GRIK2: variants seen among roughly 807,000 people sequenced by gnomAD.
GRIK2 encodes glutamate ionotropic receptor kainate type subunit 2, also known as glutamate receptor ionotropic, kainate 2.
GRIK2 carries 32 observed loss-of-function variants against 100.3 expected under a neutral mutation model. The observed-to-expected ratio is 0.32, with a 90% confidence interval of 0.24 to 0.43. The LOEUF is 0.43. Ranked by LOEUF, GRIK2 falls within the 20% of genes least tolerant of loss-of-function variation. The pLI, the probability that GRIK2 is intolerant of heterozygous loss-of-function variation, is 1.00. For missense variants in GRIK2, 843 were observed against 1,114.9 expected, an observed-to-expected ratio of 0.76 and a Z score of 3.47; for synonymous variants, 417 against 389.4, an observed-to-expected ratio of 1.07 and a Z score of -0.83.
intron 2 of GRIK2, among the ~76,000 whole-genome samples, chr6:101,402,053 C>G (rs565710579): frequency 1.3e-5 from 2 of 152,298 alleles, no homozygotes; most frequent in Non-Finnish European, 1.5e-5. Context: ...TTATCCTTCC[C>G]CTTGCTCCCG....
chr6:101,614,699 A>G lies in GRIK2; in HGVS notation c.116-7250A>G, dbSNP rs1316111530. On this transcript the variant is annotated intron_variant, in intron 2 of 16. Coordinates refer to ENST00000369134, the MANE Select transcript of GRIK2 (RefSeq NM_021956.5). ...TGTTTAGACAGGAAATAAGATTGGT[A>G]TAACATTTGATGGAGAAAATCAACA... Among the ~76,000 whole-genome samples the G allele has an allele frequency of 4.0e-5, 6 of 151,894 alleles. No homozygotes were observed. The East Asian group carries it at 1.2e-3, about 29-fold the overall frequency.
At chr6:102,066,911 A>T (rs569651107) in intron 16 of GRIK2, among the ~76,000 whole-genome samples, 1 of 151,706 alleles carries the variant, frequency 6.6e-6, no homozygotes, top group Non-Finnish European at 1.5e-5. Flanking sequence ...AAGGAAAATT[A>T]GGATATAGCC....
At chr6:101,853,496 A>C (rs983703912) in intron 10 of GRIK2, among the ~76,000 whole-genome samples, 3 of 152,218 alleles carry the variant, frequency 2.0e-5, no homozygotes, top group African/African-American at 7.2e-5. Flanking sequence ...TGGGAATAGA[A>C]AACAGGGCTG....
intron 2 of GRIK2, among the ~76,000 whole-genome samples, chr6:101,495,301 C>A (rs376439388): frequency 6.6e-6 from 1 of 151,720 alleles, no homozygotes; most frequent in Non-Finnish European, 1.5e-5. Context: ...GTTAGGAGAT[C>A]GAGACCATCC....
Position 101,961,046 on chromosome 6 carries a change from G to A in GRIK2, c.2085+32414G>A, listed in dbSNP as rs146037308. 1.1e-4 allele frequency among the ~76,000 whole-genome samples: 17 copies of A among 152,280 alleles called. No homozygotes were observed. The East Asian group carries it at 3.3e-3, about 29-fold the overall frequency. ...TGTATCCACCTTGACTGGAGTGACAGGGAGAGGTTATAGTGAAAGCCTCCC... is the reference window on the plus strand; with the variant it reads ...TGTATCCACCTTGACTGGAGTGACAAGGAGAGGTTATAGTGAAAGCCTCCC... On this transcript the variant is annotated intron_variant, in intron 14 of 16. Coordinates refer to ENST00000369134, the MANE Select transcript of GRIK2 (RefSeq NM_021956.5).
At chr6:101,985,954 G>A (rs547507608) in intron 14 of GRIK2, among the ~76,000 whole-genome samples, 1 of 151,664 alleles carries the variant, frequency 6.6e-6, no homozygotes, top group Non-Finnish European at 1.5e-5. Context: ...GTAATATATT[G>A]TAAAACTCAT....
rs185500086 is a variant in GRIK2 at position 101,964,559 on chromosome 6, G to A, written c.2085+35927G>A. Among the ~76,000 whole-genome samples the A allele has an allele frequency of 1.5e-3, 222 of 152,244 alleles. 1 individual carries two copies. The highest frequency in any genetic ancestry group is 3.4e-3 in the Middle Eastern group (1 of 290). ...TGTCTAGTTCTCAAACCCGTGACCA[G>A]GGGGTCTCGCACACAGGAAAGGTGT... On this transcript the variant is annotated intron_variant, in intron 14 of 16. Transcript: ENST00000369134.
At position 102,052,099 on chromosome 6, in the gene GRIK2, T is replaced by C. The variant is rs369810829; in HGVS notation, c.2312-3231T>C. Among the ~76,000 whole-genome samples the C allele has an allele frequency of 1.1e-3, 164 of 152,328 alleles. 6 individuals are homozygous for C. In the South Asian group the frequency reaches 0.033, roughly 31 times the overall value. On this transcript the variant is annotated intron_variant, in intron 15 of 16. Coordinates refer to ENST00000369134, the MANE Select transcript of GRIK2 (RefSeq NM_021956.5). ...AGATTCTTTCGTTCTTTGGTCTCAA[T>C]GTGTCCTTGAGATTTTTCATCTAGC...
At chr6:101,659,700 T>G (rs942443717) in intron 4 of GRIK2, among the ~76,000 whole-genome samples, 1 of 152,210 alleles carries the variant, frequency 6.6e-6, no homozygotes, top group African/African-American at 2.4e-5. Context: ...TGCTTGTCTG[T>G]AAAGGATTTT....
At position 101,517,706 on chromosome 6, in the gene GRIK2, T is replaced by C. The variant is rs112520644; in HGVS notation, c.116-104243T>C. ...TTTGACTTTTAGGCCTCTGCTTTGATTACTGAAAATGTGTTGCCTTCTAAG... is the reference window on the plus strand; with the variant it reads ...TTTGACTTTTAGGCCTCTGCTTTGACTACTGAAAATGTGTTGCCTTCTAAG... On this transcript the variant is annotated intron_variant, in intron 2 of 16. Coordinates refer to ENST00000369134, the MANE Select transcript of GRIK2 (RefSeq NM_021956.5). Among the ~76,000 whole-genome samples, 1,143 of 152,266 alleles carry C rather than the reference T, an allele frequency of 7.5e-3. 13 individuals carry two copies. The highest frequency in any genetic ancestry group is 0.026 in the African/African-American group (1,086 of 41,558).
chr6:102,022,562 G>T (rs1769484666), intron 14 of GRIK2, among the ~76,000 whole-genome samples: 3 of 151,622 alleles, frequency 2.0e-5, no homozygotes, highest in Non-Finnish European at 4.4e-5. Flanking sequence ...TAATGCAAAA[G>T]AAATTGGATA....
intron 7 of GRIK2, among the ~76,000 whole-genome samples, chr6:101,715,675 AAG>A (rs1281830746): frequency 7.2e-5 from 11 of 151,898 alleles, no homozygotes; most frequent in Admixed American, 1.3e-4. Flanking sequence ...TGTTATGAAA[AAG>A]AATTATTTCT....
At chr6:101,447,579 GA>G (rs1038810841) in intron 2 of GRIK2, among the ~76,000 whole-genome samples, 10 of 151,730 alleles carry the variant, frequency 6.6e-5, no homozygotes, top group African/African-American at 2.2e-4. Flanking sequence ...CTGATTTCTG[GA>G]AATATATAGA....
chr6:101,918,307 T>A (rs1789253205), intron 12 of GRIK2, among the ~76,000 whole-genome samples: 1 of 151,706 alleles, frequency 6.6e-6, no homozygotes, highest in African/African-American at 2.4e-5. Flanking sequence ...GTGTAAAATA[T>A]ATCACTAATT....
intron 10 of GRIK2, among the ~76,000 whole-genome samples, chr6:101,843,936 G>A (rs2250050): frequency 0.94 from 143,468 of 152,262 alleles, 67,614 homozygotes; most frequent in East Asian, 0.98. Flanking sequence ...TGAGACCATT[G>A]AGTTCCTTAA....
At chr6:102,011,199 T>C (rs924013333) in intron 14 of GRIK2, among the ~76,000 whole-genome samples, 8 of 152,180 alleles carry the variant, frequency 5.3e-5, no homozygotes, top group African/African-American at 1.9e-4. Flanking sequence ...AGATTCTTAC[T>C]AATGTTAGAT....
intron 7 of GRIK2, among the ~76,000 whole-genome samples, chr6:101,722,317 C>A (rs748741032): frequency 3.3e-4 from 50 of 152,002 alleles, no homozygotes; most frequent in Non-Finnish European, 5.6e-4. Flanking sequence ...CAAACAACAA[C>A]AAAAAAATTT....
In GRIK2 at chr6:101,537,524, AG is replaced by A. The variant is rs776545968; in HGVS notation, c.116-84424del. Among the ~76,000 whole-genome samples the A allele has an allele frequency of 5.3e-5, 8 of 151,258 alleles. No homozygotes were observed. In the South Asian group the frequency reaches 8.3e-4, roughly 16 times the overall value. On this transcript the variant is annotated intron_variant, in intron 2 of 16. Coordinates refer to ENST00000369134, the MANE Select transcript of GRIK2 (RefSeq NM_021956.5). ...TATGTTGGGGGGAGACAGAGGCTAA[AG>A]CAATGGCTTTTTTAAGTTATTTATC...
chr6:101,802,750 G>T (rs1780753847), intron 9 of GRIK2, among the ~76,000 whole-genome samples: 1 of 151,702 alleles, frequency 6.6e-6, no homozygotes, highest in Non-Finnish European at 1.5e-5. Flanking sequence ...TTTAATATGG[G>T]TCTTTATACA....
Sources: allele counts gnomAD v4.1 joint callset (sites outside exome capture counted in the v4.1 genomes callset), GRCh38; gene constraint gnomAD v4.1.1; transcripts MANE v1.5; gene names NCBI Gene and HGNC (gene_info 2026-07-23, HGNC 2026-07-21).